The following OSBPL1A variants were observed in gnomAD, a reference collection of about 807,000 sequenced individuals.
OSBPL1A encodes oxysterol-binding protein-related protein 1.
OSBPL1A carries 80 observed loss-of-function variants against 137.1 expected under a neutral mutation model. The ratio of observed to expected loss-of-function variants is 0.58; its 90% CI spans 0.49 to 0.70. OSBPL1A has a LOEUF of 0.70. Among genes scored for constraint, OSBPL1A ranks in the 30% least tolerant of loss-of-function variants. The probability of loss-of-function intolerance (pLI) is 0.00; values close to 1 mark genes in which losing one functional copy is unlikely to be tolerated. For missense variants in OSBPL1A, 970 were observed against 1,129.4 expected (o/e 0.86, Z 2.02); for synonymous variants, 365 against 389.7 (o/e 0.94, Z 0.75).
At position 24,175,988 on chromosome 18, in the gene OSBPL1A, G is replaced by T. The variant is rs1034211920; in HGVS notation, c.2093+2025C>A. 3.3e-5 allele frequency among the ~76,000 whole-genome samples: 5 copies of T among 152,244 alleles called. 1 individual carries two copies. The South Asian group carries it at 8.3e-4, about 25-fold the overall frequency. On this transcript the variant is annotated intron_variant, in intron 21 of 27. Coordinates refer to ENST00000319481, the MANE Select transcript of OSBPL1A (RefSeq NM_080597.4). ...CAATTTCTGGATTCCCTTCCCCGTC[G>T]CATTAATCTATACTTTGTCTATAGT...
chr18:24,306,886 G>A (rs929235482), intron 13 of OSBPL1A, among the ~76,000 whole-genome samples: 1 of 151,758 alleles, frequency 6.6e-6, no homozygotes, highest in Non-Finnish European at 1.5e-5. Flanking sequence ...GCAGAAAATG[G>A]CCGCTATTAC....
At chr18:24,284,716 ATGTT>A (rs1350820476) in intron 14 of OSBPL1A, among the ~76,000 whole-genome samples, 9 of 152,210 alleles carry the variant, frequency 5.9e-5, no homozygotes. Context: ...TCTCCTGGAA[ATGTT>A]TGTTTACCTA....
At chr18:24,212,821 A>C (rs1176237000) in intron 17 of OSBPL1A, among the ~76,000 whole-genome samples, 1 of 152,228 alleles carries the variant, frequency 6.6e-6, no homozygotes, top group African/African-American at 2.4e-5. Flanking sequence ...ATATACAGAA[A>C]TCAACACAAA....
intron 4 of OSBPL1A, among the ~76,000 whole-genome samples, chr18:24,362,839 G>A (rs1281603196): frequency 1.3e-5 from 2 of 152,210 alleles, no homozygotes; most frequent in Non-Finnish European, 2.9e-5. Flanking sequence ...TGTGGTGCTG[G>A]ATATCCATTA....
intron 17 of OSBPL1A, among the ~76,000 whole-genome samples, chr18:24,198,862 TG>T (rs2087121313): frequency 1.5e-5 from 2 of 133,230 alleles, no homozygotes; most frequent in Admixed American, 8.3e-5. Flanking sequence ...TTTTTTTTGT[TG>T]TTTTTTTTTT....
At chr18:24,203,655 C>T (rs1305452312) in intron 17 of OSBPL1A, among the ~76,000 whole-genome samples, 1 of 152,180 alleles carries the variant, frequency 6.6e-6, no homozygotes, top group Non-Finnish European at 1.5e-5. Context: ...TCCACCACCA[C>T]TCTACCACCC....
intron 2 of OSBPL1A, among the ~76,000 whole-genome samples, chr18:24,374,633 G>A (rs1395147392): frequency 6.6e-6 from 1 of 152,120 alleles, no homozygotes; most frequent in African/African-American, 2.4e-5. Context: ...CCATGTCATT[G>A]GCTCCCACAT....
At chr18:24,214,202 A>G (rs2087628034) in intron 17 of OSBPL1A, among the ~76,000 whole-genome samples, 1 of 152,230 alleles carries the variant, frequency 6.6e-6, no homozygotes, top group Non-Finnish European at 1.5e-5. Context: ...AAAGTCATTG[A>G]AATTAAGTGA....
intron 4 of OSBPL1A, among the ~76,000 whole-genome samples, chr18:24,352,619 G>T (rs1164074905): frequency 6.6e-6 from 1 of 152,088 alleles, no homozygotes; most frequent in Admixed American, 6.6e-5. Flanking sequence ...TCAATCCTAA[G>T]CCAAAAGAAC....
chr18:24,218,319 A>T (rs1237832488), intron 17 of OSBPL1A: 1 of 152,250 alleles, frequency 6.6e-6, no homozygotes, highest in Non-Finnish European at 1.5e-5. Context: ...TTGGCAACAC[A>T]TATACTAAAC....
intron 1 of OSBPL1A, among the ~76,000 whole-genome samples, chr18:24,390,514 C>T (rs562115724): frequency 3.9e-4 from 59 of 150,462 alleles, no homozygotes; most frequent in South Asian, 3.2e-3. Flanking sequence ...CAACAGACCA[C>T]GGAAACCCCA....
At chr18:24,371,015 C>A (rs143383196) in intron 2 of OSBPL1A, among the ~76,000 whole-genome samples, 77 of 152,248 alleles carry the variant, frequency 5.1e-4, no homozygotes, top group African/African-American at 1.7e-3. Context: ...TCACTTCCTT[C>A]AATAAATTCA....
intron 16 of OSBPL1A, among the ~76,000 whole-genome samples, chr18:24,226,434 TTCACGACGACC>T (rs561775004): frequency 4.6e-4 from 70 of 152,146 alleles, no homozygotes; most frequent in Non-Finnish European, 8.8e-4. Context: ...AAAATGGAAA[TTCACGACGACC>T]TCCAACTTCC....
At chr18:24,308,154 C>T (rs1382512243) in intron 13 of OSBPL1A, among the ~76,000 whole-genome samples, 6 of 135,404 alleles carry the variant, frequency 4.4e-5, no homozygotes, top group East Asian at 2.2e-4. Flanking sequence ...CTCACTCTGT[C>T]GCCCAGGCTG....
chr18:24,289,576 C>T (rs544523498), intron 14 of OSBPL1A, among the ~76,000 whole-genome samples: 1 of 152,030 alleles, frequency 6.6e-6, no homozygotes, highest in South Asian at 2.1e-4. Context: ...CACGCCACAA[C>T]ATTCGGCTAA....
chr18:24,368,621 TA>T (rs1905361664), intron 2 of OSBPL1A: 1 of 348,128 alleles, frequency 2.9e-6, no homozygotes, highest in South Asian at 5.7e-5. Context: ...GGACGGGGGT[TA>T]CATTCGAGCT....
In OSBPL1A at chr18:24,245,656, GT is replaced by G. The variant is rs199862857; in HGVS notation, c.1282-6275del. Among the ~76,000 whole-genome samples, 57 of 152,266 alleles carry G rather than the reference GT, an allele frequency of 3.7e-4. No individual in the cohort carries two copies. In the East Asian group the frequency reaches 0.01, roughly 28 times the overall value. ...GCTGAATTACTCTCTCACCTCCAGGGTCCAGGGAAGTGAAGCTTTGACCTCC... is the reference window on the plus strand; with the variant it reads ...GCTGAATTACTCTCTCACCTCCAGGGCCAGGGAAGTGAAGCTTTGACCTCC... On this transcript the variant is annotated intron_variant, in intron 15 of 27. Transcript: ENST00000319481.
chr18:24,195,920 C>A, intron 18 of OSBPL1A: 13 of 460,354 alleles, frequency 2.8e-5, no homozygotes, highest in South Asian at 7.4e-5. Context: ...TTTTTTTTTA[C>A]ATCAAAAATG....
intron 26 of OSBPL1A, among the ~76,000 whole-genome samples, chr18:24,165,927 T>G (rs148825798): frequency 6.6e-6 from 1 of 152,254 alleles, no homozygotes; most frequent in African/African-American, 2.4e-5. Context: ...TGAAACCCCA[T>G]TTCCACGAAA....
Sources: gnomAD v4.1 joint callset for allele counts (sites outside exome capture counted in the v4.1 genomes callset) on GRCh38, gnomAD v4.1.1 for gene constraint, MANE v1.5 for transcripts, NCBI Gene and HGNC (gene_info 2026-07-23, HGNC 2026-07-21) for gene names.